SNAP91: variants seen among roughly 807,000 people sequenced by gnomAD.
The protein encoded by SNAP91 is clathrin coat assembly protein AP180.
SNAP91 carries 27 observed loss-of-function variants against 100.3 expected under a neutral mutation model. The observed-to-expected ratio is 0.27, with a 90% CI of 0.20 to 0.37. The LOEUF (loss-of-function observed/expected upper bound fraction) is 0.37. Ranked by LOEUF, SNAP91 falls within the 10% of genes least tolerant of loss-of-function variation. The probability of loss-of-function intolerance (pLI) is 1.00; values close to 1 mark genes in which losing one functional copy is unlikely to be tolerated. For missense variants in SNAP91, 986 were observed against 1,123.7 expected, an observed-to-expected ratio of 0.88 and a Z score of 1.75; for synonymous variants, 404 against 398.6, an observed-to-expected ratio of 1.01 and a Z score of -0.16.
intron 10 of SNAP91, 75 bp from the exon 11 acceptor site, chr6:83,614,937 T>C (rs1435255602): frequency 1.6e-6 from 2 of 1,229,202 alleles, no homozygotes; most frequent in Non-Finnish European, 2.3e-6. Context: ...TTTTAAAAAA[T>C]AGGGAATAAG....
At chr6:83,621,905 CAT>C (rs1490824994) in intron 9 of SNAP91, among the ~76,000 whole-genome samples, 5 of 152,002 alleles carry the variant, frequency 3.3e-5, no homozygotes. Context: ...TAAAAGTTAA[CAT>C]GTATTACTTA....
intron 8 of SNAP91, among the ~76,000 whole-genome samples, chr6:83,631,065 T>C (rs1411097186): frequency 1.3e-5 from 2 of 152,134 alleles, no homozygotes; most frequent in Admixed American, 6.6e-5. Flanking sequence ...GTTCGAAGAA[T>C]TTTTTGATTT....
At chr6:83,587,247 G>A (rs1215701024) in intron 22 of SNAP91, among the ~76,000 whole-genome samples, 2 of 152,002 alleles carry the variant, frequency 1.3e-5, no homozygotes, top group Non-Finnish European at 2.9e-5. Context: ...ACATGTAAAT[G>A]TATTCACTCA....
intron 25 of SNAP91, chr6:83,575,494 T>A (rs1816997683): frequency 1.5e-5 from 4 of 261,250 alleles, no homozygotes; most frequent in Non-Finnish European, 2.9e-5. Context: ...ATGATGGCAC[T>A]TTCTGGATCT....
At position 83,592,519 on chromosome 6, in the gene SNAP91, T is replaced by C. The variant is rs2093909558; in HGVS notation, c.1866A>G (p.Pro622=). ...DLLSVDAFAA[P]SPATTASPAK... ...CTGGCGAGGCAGTGGTTGCAGGAGATGGTGCTGCAAATGCATCCACTGCAG... is the reference window on the plus strand; with the variant it reads ...CTGGCGAGGCAGTGGTTGCAGGAGACGGTGCTGCAAATGCATCCACTGCAG... The change falls in exon 21 of 30, where the codon CCA becomes CCG. Residue 622 remains proline (P), a synonymous_variant. Transcript: ENST00000369694. 8.7e-6 allele frequency: 14 copies of C among 1,609,536 alleles called. No homozygotes were observed. Among genetic ancestry groups the C allele is most frequent in the East Asian group, 6.7e-5 (3 of 44,784 alleles).
intron 8 of SNAP91, among the ~76,000 whole-genome samples, chr6:83,632,039 C>A (rs2128479623): frequency 6.6e-6 from 1 of 152,046 alleles, no homozygotes; most frequent in East Asian, 1.9e-4. Context: ...GTAGTGGTGG[C>A]TTGGTAGTGG....
intron 8 of SNAP91, among the ~76,000 whole-genome samples, chr6:83,628,725 C>A (rs957498213): frequency 6.7e-6 from 1 of 150,182 alleles, no homozygotes. Flanking sequence ...ATTTTTTTTT[C>A]TTGCTGATTT....
intron 8 of SNAP91, among the ~76,000 whole-genome samples, chr6:83,624,719 A>C (rs1239722136): frequency 6.6e-6 from 1 of 151,986 alleles, no homozygotes; most frequent in Admixed American, 6.6e-5. Flanking sequence ...ATAACAAAAA[A>C]ACATCTCTAA....
intron 26 of SNAP91, among the ~76,000 whole-genome samples, chr6:83,568,567 G>A (rs1162745069): frequency 6.6e-6 from 1 of 152,142 alleles, no homozygotes; most frequent in South Asian, 2.1e-4. Context: ...GAAGCACAGG[G>A]CTCCTGATGG....
chr6:83,650,739 C>T, intron 7 of SNAP91, among the ~76,000 whole-genome samples: 1 of 152,052 alleles, frequency 6.6e-6, no homozygotes, highest in East Asian at 1.9e-4. Context: ...CTTGTAATGT[C>T]TTTGGTTTTG....
chr6:83,583,043 T>C (rs1830622809), intron 22 of SNAP91, among the ~76,000 whole-genome samples: 1 of 152,214 alleles, frequency 6.6e-6, no homozygotes, highest in Non-Finnish European at 1.5e-5. Context: ...ATAATTTGAA[T>C]TCCTTCGTGT....
intron 2 of SNAP91, among the ~76,000 whole-genome samples, chr6:83,688,246 T>G (rs1587642624): frequency 6.6e-6 from 1 of 152,164 alleles, no homozygotes; most frequent in Non-Finnish European, 1.5e-5. Context: ...CTAGTCTCCT[T>G]TTGCTCTAAT....
chr6:83,706,398 CT>C (rs555574025), intron 2 of SNAP91, among the ~76,000 whole-genome samples: 7 of 152,338 alleles, frequency 4.6e-5, no homozygotes, highest in East Asian at 3.9e-4. Flanking sequence ...CTTAGGTGCC[CT>C]GGCCCTGGTG....
intron 13 of SNAP91, among the ~76,000 whole-genome samples, chr6:83,607,456 A>G (rs950575171): frequency 1.3e-5 from 2 of 152,048 alleles, no homozygotes; most frequent in Non-Finnish European, 2.9e-5. Context: ...TTCAGAATAA[A>G]TTGTGTGTAT....
chr6:83,581,484 C>G (rs1305972704), intron 23 of SNAP91, among the ~76,000 whole-genome samples: 3 of 152,104 alleles, frequency 2.0e-5, no homozygotes, highest in Non-Finnish European at 4.4e-5. Flanking sequence ...TAAGATGTTG[C>G]TAATATGTTA....
chr6:83,620,659 C>T (rs532371811), intron 9 of SNAP91, among the ~76,000 whole-genome samples: 28 of 151,976 alleles, frequency 1.8e-4, no homozygotes, highest in Non-Finnish European at 3.7e-4. Context: ...ATTTCAGAAG[C>T]ATATCATATT....
chr6:83,628,434 A>G (rs2097059901), intron 8 of SNAP91, among the ~76,000 whole-genome samples: 2 of 151,460 alleles, frequency 1.3e-5, no homozygotes, highest in African/African-American at 4.9e-5. Context: ...GAATCTCCAC[A>G]TTGTTTTCCA....
At chr6:83,577,665 C>G (rs1165918909) in intron 24 of SNAP91, among the ~76,000 whole-genome samples, 2 of 152,098 alleles carry the variant, frequency 1.3e-5, no homozygotes, top group African/African-American at 4.8e-5. Context: ...TGTGATTGGG[C>G]AAGACTGCAA....
At chr6:83,559,491 T>C (rs1783808481) in intron 28 of SNAP91, among the ~76,000 whole-genome samples, 1 of 152,190 alleles carries the variant, frequency 6.6e-6, no homozygotes, top group South Asian at 2.1e-4. Context: ...ATCCTTTTAC[T>C]ACAATAAAAC....
Sources: allele counts gnomAD v4.1 joint callset (sites outside exome capture counted in the v4.1 genomes callset), GRCh38; gene constraint gnomAD v4.1.1; transcripts MANE v1.5; gene names NCBI Gene and HGNC (gene_info 2026-07-23, HGNC 2026-07-21).